KNOP1: variants seen among roughly 807,000 people sequenced by gnomAD.
The protein encoded by KNOP1 is lysine rich nucleolar protein 1.
Under a neutral mutation model 30.6 loss-of-function variants are expected in KNOP1, and 20 were observed. The observed-to-expected ratio is 0.65, with a 90% CI of 0.46 to 0.95. The LOEUF is 0.95. KNOP1 is among the 40% of genes least tolerant of loss of function. KNOP1 has a pLI of 0.00. For missense variants in KNOP1, 540 were observed against 562.0 expected (o/e 0.96, Z 0.40); for synonymous variants, 204 against 210.0 (o/e 0.97, Z 0.25).
At position 19,707,126 on chromosome 16, in the gene KNOP1, G is replaced by T; in HGVS notation, c.1161C>A (p.Ser387=). Residue 387 remains serine, a synonymous_variant, in exon 5 of 5, where the codon TCC becomes TCA. Coordinates refer to ENST00000219837, the MANE Select transcript of KNOP1 (RefSeq NM_001012991.3). ...TGCTGGCGGGGCGGCTGAACGAAGG[G>T]GACAGGTTTTTGAAGCCACCCATAA... ...LRLMGGFKNL[S]PSFSRPASTI... 6.2e-7 allele frequency: 1 copy of T among 1,614,096 alleles called. No individual in the cohort carries two copies. Among genetic ancestry groups the T allele is most frequent in the East Asian group, 2.2e-5 (1 of 44,874 alleles).
chr16:19,713,125 C>A (rs1187514906), intron 2 of KNOP1, among the ~76,000 whole-genome samples: 2 of 151,866 alleles, frequency 1.3e-5, no homozygotes, highest in African/African-American at 4.8e-5. Flanking sequence ...TGAGACAGTC[C>A]CGCTCTGTCA....
Position 19,710,536 on chromosome 16 carries a change from C to T in KNOP1, c.1038G>A (p.Thr346=), listed in dbSNP as rs747983303. The T allele has an allele frequency of 5.0e-6, 8 of 1,612,686 alleles. No homozygotes were observed. The Admixed American group carries it at 6.7e-5, about 13-fold the overall frequency. Reference sequence around the variant, plus strand: ...TCCACTTCCTGGTTTCAGAAGCTTCCGTTTTGCCTGACTCGCGATCGATCT... The same window carrying T: ...TCCACTTCCTGGTTTCAGAAGCTTCTGTTTTGCCTGACTCGCGATCGATCT... ...QEEIDRESGK[T]EASETRKWTG... The change falls in exon 4 of 5, where the codon ACG becomes ACA. Residue 346 remains threonine (T), a synonymous_variant. Transcript: ENST00000219837.
rs1020109558 is a variant in KNOP1 at position 19,707,206 on chromosome 16, G to A, written c.1081C>T (p.Gln361Ter). 3.7e-6 allele frequency: 6 copies of A among 1,612,502 alleles called. No homozygotes were observed. The highest frequency in any genetic ancestry group is 4.2e-6 in the Non-Finnish European group (5 of 1,179,870). The change falls in exon 5 of 5, where the codon CAG (glutamine) becomes TAG (stop). Residue 361 changes from glutamine to a stop codon, truncating the protein, a stop_gained. Transcript: ENST00000219837. LOFTEE classifies it high-confidence loss of function. ...TRKWTGTQFG[Q>*]WDTAGFENED... Reference sequence around the variant, plus strand: ...TTCTCAAAACCAGCAGTATCCCACTGGCCAAACTGGGTTCCCTGTGAGGAG... The same window carrying A: ...TTCTCAAAACCAGCAGTATCCCACTAGCCAAACTGGGTTCCCTGTGAGGAG...
In KNOP1 at chr16:19,707,109, G is replaced by C; in HGVS notation, c.1178C>G (p.Pro393Arg). Reference sequence around the variant, plus strand: ...GTTGGGCCTTGCAATCGTGCTGGCGGGGCGGCTGAACGAAGGGGACAGGTT... The same window carrying C: ...GTTGGGCCTTGCAATCGTGCTGGCGCGGCGGCTGAACGAAGGGGACAGGTT... ...FKNLSPSFSR[P>R]ASTIARPNMA... is the part of the protein sequence containing the mutation. The change falls in exon 5 of 5, where the codon CCC becomes CGC. Residue 393 changes from proline (P) to arginine (R), a missense_variant. By Grantham distance (103) the Pro-to-Arg change is moderately radical. Coordinates refer to ENST00000219837, the MANE Select transcript of KNOP1 (RefSeq NM_001012991.3). 1 of 1,614,152 alleles carries C rather than the reference G, an allele frequency of 6.2e-7. No individual in the cohort carries two copies. Among genetic ancestry groups the C allele is most frequent in the Non-Finnish European group, 8.5e-7 (1 of 1,180,016 alleles).
rs1051029875 is a variant in KNOP1, at chr16:19,706,813, A to G, written c.*97T>C. The G allele has an allele frequency of 3.7e-6, 5 of 1,342,924 alleles. No homozygotes were observed. The African/African-American group carries it at 7.4e-5, about 20-fold the overall frequency. The allele number at this position is 1,342,924 out of a possible 1,614,324, so 83.2% of individuals were successfully genotyped here. A position where few individuals can be genotyped will look rare whatever the true frequency, so the allele number is the denominator to read the frequency against. ...TATCTTACTGCTCGAGGTCCTCACC[A>G]AGATCTGATTTTTTCACAAAAAAAA... is the stretch of plus-strand genomic sequence containing the variant. On this transcript the variant is annotated 3_prime_UTR_variant, in exon 5 of 5. Transcript: ENST00000219837.
chr16:19,714,268 G>GTCCA lies in KNOP1; in HGVS notation c.767_768insTGGA (p.Pro257GlyfsTer5). The stretch of plus-strand genomic sequence containing the variant: ...AGGCCTTAGGGTCATCACTTATGGG[G>GTCCA]ATGTATTCCGGAGCCTCAACTTTGA... On this transcript the variant is annotated frameshift_variant, in exon 2 of 5. Transcript: ENST00000219837. LOFTEE classifies it high-confidence loss of function. 1 of 1,614,130 alleles carries GTCCA rather than the reference G, an allele frequency of 6.2e-7. No individual in the cohort carries two copies. The highest frequency in any genetic ancestry group is 8.5e-7 in the Non-Finnish European group (1 of 1,180,026).
At chr16:19,716,260 A>G (rs1347658345) in intron 1 of KNOP1, among the ~76,000 whole-genome samples, 1 of 152,232 alleles carries the variant, frequency 6.6e-6, no homozygotes, top group African/African-American at 2.4e-5. Context: ...GAATGCACAC[A>G]TGCTAGGGAT....
At position 19,714,849 on chromosome 16, in the gene KNOP1, G is replaced by A. The variant is rs1416046000; in HGVS notation, c.187C>T (p.Leu63=). 6.2e-7 allele frequency: 1 copy of A among 1,613,762 alleles called. No homozygotes were observed. Among genetic ancestry groups the A allele is most frequent in the East Asian group, 2.2e-5 (1 of 44,884 alleles). The part of the protein sequence containing the change: ...VAHGQAPEMP[L]VKKKKKKKKG... ...TTTTTCTTCTTCTTTTTCTTCACTA[G>A]AGGCATCTCAGGTGCCTGCCCATGG... The change falls in exon 2 of 5, where the codon CTA becomes TTA. Residue 63 remains leucine, a synonymous_variant. Coordinates refer to ENST00000219837, the MANE Select transcript of KNOP1 (RefSeq NM_001012991.3).
Position 19,707,213 on chromosome 16 carries a change from C to T in KNOP1, c.1074G>A (p.Gln358=). The T allele has an allele frequency of 6.2e-7, 1 of 1,612,008 alleles. No homozygotes were observed. The highest frequency in any genetic ancestry group is 8.5e-7 in the Non-Finnish European group (1 of 1,179,784). The change falls in exon 5 of 5, where the codon CAG becomes CAA. Residue 358 remains glutamine, a synonymous_variant. Coordinates refer to ENST00000219837, the MANE Select transcript of KNOP1 (RefSeq NM_001012991.3). ...ASETRKWTGT[Q]FGQWDTAGFE... The stretch of plus-strand genomic sequence containing the variant: ...AACCAGCAGTATCCCACTGGCCAAA[C>T]TGGGTTCCCTGTGAGGAGAGGAAAA...
rs1174354512 is a variant in KNOP1, at chr16:19,705,021, G to A, written c.*1889C>T. On this transcript the variant is annotated 3_prime_UTR_variant, in exon 5 of 5. Coordinates refer to ENST00000219837, the MANE Select transcript of KNOP1 (RefSeq NM_001012991.3). ...CAGCCTTCCCATGACAGGGGCGGGT[G>A]CAGCTATGGGCAGATGACTCATTGC... 5 of 363,712 alleles carry A rather than the reference G, an allele frequency of 1.4e-5. No homozygotes were observed. The highest frequency in any genetic ancestry group is 4.3e-5 in the South Asian group (2 of 46,942). 22.5% of individuals were successfully genotyped at this position (363,712 alleles called of 1,614,324 possible). A position where few individuals can be genotyped will look rare whatever the true frequency, so the allele number is the denominator to read the frequency against.
At position 19,705,581 on chromosome 16, in the gene KNOP1, TA is replaced by T; in HGVS notation, c.*1328del. The T allele has an allele frequency of 3.6e-6, 1 of 279,872 alleles. No individual in the cohort carries two copies. The highest frequency in any genetic ancestry group is 7.0e-6 in the Non-Finnish European group (1 of 142,364). The allele number at this position is 279,872 out of a possible 1,614,324, so 17.3% of individuals were successfully genotyped here. On this transcript the variant is annotated 3_prime_UTR_variant, in exon 5 of 5. Transcript: ENST00000219837. ...TCACCTGGGATTCTCTTCCTTGTGA[TA>T]AAAAAGAATCTCATCAGACACATCC... is the stretch of plus-strand genomic sequence containing the variant.
Position 19,704,957 on chromosome 16 carries a change from C to T in KNOP1, c.*1953G>A. On this transcript the variant is annotated 3_prime_UTR_variant, in exon 5 of 5. Transcript: ENST00000219837. The stretch of plus-strand genomic sequence containing the variant: ...TGGGCAGCTGTGGACACCATGGCCA[C>T]TTCACCAGCATCCACTCTTCTTGAC... The T allele has an allele frequency of 2.9e-6, 1 of 344,626 alleles. No individual in the cohort carries two copies. The highest frequency in any genetic ancestry group is 5.7e-6 in the Non-Finnish European group (1 of 174,484). The allele number at this position is 344,626 out of a possible 1,614,324, so 21.3% of individuals were successfully genotyped here.
chr16:19,708,195 C>T (rs969946317), intron 4 of KNOP1, among the ~76,000 whole-genome samples: 3 of 151,058 alleles, frequency 2.0e-5, no homozygotes, highest in Admixed American at 6.6e-5. Flanking sequence ...GGAACGGGTG[C>T]GGGCCCACAG....
intron 1 of KNOP1, chr16:19,717,256 G>T: frequency 1.1e-6 from 1 of 950,752 alleles, no homozygotes; most frequent in Non-Finnish European, 1.3e-6. Context: ...GTTTAGGAAC[G>T]TACTGCCCGC....
At position 19,704,603 on chromosome 16, in the gene KNOP1, G is replaced by A. The variant is rs1597456259; in HGVS notation, c.*2307C>T. On this transcript the variant is annotated 3_prime_UTR_variant, in exon 5 of 5. Coordinates refer to ENST00000219837, the MANE Select transcript of KNOP1 (RefSeq NM_001012991.3). ...GACTCCATCTCAAAAAAAAAGAAAC[G>A]AACGGCTGGTTCCTGTTTACACCAG... 1 of 152,094 alleles carries A rather than the reference G, an allele frequency of 6.6e-6. No individual in the cohort carries two copies. Among genetic ancestry groups the A allele is most frequent in the Non-Finnish European group, 1.5e-5 (1 of 68,090 alleles). The allele number at this position is 152,094 out of a possible 1,614,324, so 9.4% of individuals were successfully genotyped here.
chr16:19,708,061 G>A (rs1450564998), intron 4 of KNOP1, among the ~76,000 whole-genome samples: 2 of 150,900 alleles, frequency 1.3e-5, no homozygotes, highest in Non-Finnish European at 3.0e-5. Flanking sequence ...CTGCAACACA[G>A]GGCACCCCAC....
intron 4 of KNOP1, among the ~76,000 whole-genome samples, chr16:19,709,175 C>G (rs144267407): frequency 1.3e-5 from 2 of 152,162 alleles, no homozygotes; most frequent in Non-Finnish European, 2.9e-5. Context: ...GGCCAGGGTA[C>G]GAGTCCCATT....
Position 19,703,007 on chromosome 16 carries a change from A to AAACG in KNOP1, c.*3902_*3903insCGTT, listed in dbSNP as rs1555510302. ...AGAGTGAGACTGTCTCAAAAAAAAA[A>AAACG]AAAGAAAGAAAAACAAAACCATGGC... is the stretch of plus-strand genomic sequence containing the variant. On this transcript the variant is annotated 3_prime_UTR_variant, in exon 5 of 5. Transcript: ENST00000219837. The AAACG allele has an allele frequency of 6.7e-6, 1 of 150,124 alleles. No homozygotes were observed. Among genetic ancestry groups the AAACG allele is most frequent in the Non-Finnish European group, 1.5e-5 (1 of 67,878 alleles). The allele number at this position is 150,124 out of a possible 1,614,324, so 9.3% of individuals were successfully genotyped here.
intron 2 of KNOP1, 71 bp downstream of exon 2, chr16:19,714,047 G>T: frequency 1.5e-6 from 2 of 1,333,740 alleles, no homozygotes; most frequent in Non-Finnish European, 2.1e-6. Flanking sequence ...ATGCACACAC[G>T]CCTACACACC....
Sources: gnomAD v4.1 joint callset for allele counts (sites outside exome capture counted in the v4.1 genomes callset) on GRCh38, gnomAD v4.1.1 for gene constraint, MANE v1.5 for transcripts, NCBI Gene and HGNC (gene_info 2026-07-23, HGNC 2026-07-21) for gene names.